CLYBL: variants seen among roughly 807,000 people sequenced by gnomAD.
CLYBL encodes the protein citramalyl-CoA lyase, also known as citramalyl-CoA lyase, mitochondrial.
Under a neutral mutation model 38.9 loss-of-function variants are expected in CLYBL, and 31 were observed. The observed-to-expected ratio is 0.80, with a 90% CI of 0.60 to 1.08. CLYBL has a LOEUF of 1.08. Ranked by LOEUF, CLYBL falls within the 50% of genes least tolerant of loss-of-function variation. The pLI is 0.00. For synonymous variants in CLYBL, 171 were observed against 158.6 expected, an observed-to-expected ratio of 1.08 and a Z score of -0.59; for missense variants, 434 against 411.6, an observed-to-expected ratio of 1.05 and a Z score of -0.47.
intron 2 of CLYBL, among the ~76,000 whole-genome samples, chr13:99,797,606 A>G (rs1339471235): frequency 1.4e-5 from 1 of 73,814 alleles, no homozygotes; most frequent in Non-Finnish European, 2.6e-5. Flanking sequence ...ACAACACTCC[A>G]CAGCTGAGCT....
intron 1 of CLYBL, among the ~76,000 whole-genome samples, chr13:99,624,907 C>T (rs976744158): frequency 7.9e-5 from 12 of 152,200 alleles, no homozygotes; most frequent in African/African-American, 2.7e-4. Flanking sequence ...ATAACATTCG[C>T]TTTTATCTTG....
intron 2 of CLYBL, among the ~76,000 whole-genome samples, chr13:99,842,711 T>TC (rs1413572964): frequency 9.7e-6 from 1 of 103,320 alleles, no homozygotes; most frequent in Non-Finnish European, 2.2e-5. Context: ...AGCCCTTTTT[T>TC]TTAAAAAAAA....
chr13:99,860,155 G>A (rs1418118275), intron 3 of CLYBL, among the ~76,000 whole-genome samples: 1 of 152,070 alleles, frequency 6.6e-6, no homozygotes, highest in Admixed American at 6.6e-5. Flanking sequence ...ATACACACTC[G>A]ATTTTGAAGA....
At chr13:99,813,715 G>A (rs781403708) in intron 2 of CLYBL, among the ~76,000 whole-genome samples, 1 of 152,178 alleles carries the variant, frequency 6.6e-6, no homozygotes, top group South Asian at 2.1e-4. Context: ...ATCAGAATAT[G>A]CATGTAAAAT....
At chr13:99,823,776 G>A (rs879377741) in intron 2 of CLYBL, among the ~76,000 whole-genome samples, 2 of 152,106 alleles carry the variant, frequency 1.3e-5, no homozygotes, top group Non-Finnish European at 2.9e-5. Context: ...CAACAGAGCC[G>A]TAAAGTGTCT....
downstream of CLYBL, among the ~76,000 whole-genome samples, chr13:99,901,882 A>G (rs2052648608): frequency 6.6e-6 from 1 of 152,082 alleles, no homozygotes; most frequent in Non-Finnish European, 1.5e-5. Flanking sequence ...CTGGTCTCGA[A>G]TTCCTGACCT....
chr13:99,846,310 G>A (rs1030328423), intron 2 of CLYBL, among the ~76,000 whole-genome samples: 1 of 21,978 alleles, frequency 4.6e-5, no homozygotes, highest in East Asian at 1.3e-3. Flanking sequence ...TTTTTTTTTT[G>A]AGACGGGGTC....
Position 99,869,376 on chromosome 13 carries a change from A to G in CLYBL, c.803-1562A>G, listed in dbSNP as rs1012313796. Among the ~76,000 whole-genome samples the G allele has an allele frequency of 6.6e-6, 1 of 152,144 alleles. No homozygotes were observed. Among genetic ancestry groups the G allele is most frequent in the African/African-American group, 2.4e-5 (1 of 41,452 alleles). On this transcript the variant is annotated intron_variant, in intron 6 of 8. Transcript: ENST00000339105. The surrounding 1 kb of genome is among the most constrained non-coding windows in gnomAD (Gnocchi z 4.3). ...GGCTAACAATTAGGAGGAAATGACT[A>G]CCAGAACTGACATCCTTTATTAACA... is the stretch of plus-strand genomic sequence containing the variant.
At chr13:99,648,596 C>T (rs888191853) in intron 1 of CLYBL, among the ~76,000 whole-genome samples, 3 of 152,072 alleles carry the variant, frequency 2.0e-5, no homozygotes, top group African/African-American at 4.8e-5. Flanking sequence ...GATAGGGCAG[C>T]CAGATGTGCT....
chr13:99,632,829 T>C (rs529836958), intron 1 of CLYBL, among the ~76,000 whole-genome samples: 3 of 152,070 alleles, frequency 2.0e-5, no homozygotes, highest in South Asian at 2.1e-4. Context: ...AAACTCAAGA[T>C]GATAGAGATG....
chr13:99,641,906 C>T (rs2047100608), intron 1 of CLYBL, among the ~76,000 whole-genome samples: 1 of 152,142 alleles, frequency 6.6e-6, no homozygotes, highest in Non-Finnish European at 1.5e-5. Context: ...GAGATTGGTG[C>T]ATTTTCCTTT....
intron 1 of CLYBL, chr13:99,690,761 TACTTTTCAATTCA>T (rs1307768192): frequency 6.6e-6 from 1 of 152,220 alleles, no homozygotes. Flanking sequence ...TTTCAGTACC[TACTTTTCAATTCA>T]ACCGGGGAGA....
At chr13:99,780,623 G>A (rs981585190) in intron 2 of CLYBL, among the ~76,000 whole-genome samples, 6 of 151,400 alleles carry the variant, frequency 4.0e-5, no homozygotes, top group Admixed American at 1.3e-4. Flanking sequence ...TGATCTGCCC[G>A]TCTCGGCCTC....
At chr13:99,726,549 G>A (rs2048475470) in intron 1 of CLYBL, 1 of 152,172 alleles carries the variant, frequency 6.6e-6, no homozygotes, top group Admixed American at 6.5e-5. Context: ...GTGGTTCCAT[G>A]GAGGCAGAGT....
chr13:99,652,270 G>C (rs570970456), intron 1 of CLYBL, among the ~76,000 whole-genome samples: 7 of 152,176 alleles, frequency 4.6e-5, no homozygotes, highest in African/African-American at 1.7e-4. Flanking sequence ...AGTTCCTCAG[G>C]GGGTGAAGTG....
At chr13:99,880,958 C>T (rs1400192057) in intron 7 of CLYBL, among the ~76,000 whole-genome samples, 1 of 152,242 alleles carries the variant, frequency 6.6e-6, no homozygotes, top group Non-Finnish European at 1.5e-5. Flanking sequence ...AACTCAGCAC[C>T]CTCTCTGAAC....
intron 1 of CLYBL, among the ~76,000 whole-genome samples, chr13:99,753,673 T>G (rs1594160629): frequency 6.6e-6 from 1 of 152,216 alleles, no homozygotes; most frequent in Non-Finnish European, 1.5e-5. Context: ...ATTATTTTAG[T>G]GGCAATCTCT....
chr13:99,613,548 A>G (rs906456802), intron 1 of CLYBL, among the ~76,000 whole-genome samples: 17 of 152,002 alleles, frequency 1.1e-4, no homozygotes, highest in African/African-American at 4.1e-4. Flanking sequence ...CTGTGAGGCC[A>G]CTAAGGGAAA....
chr13:99,621,722 G>T (rs2046799959), intron 1 of CLYBL, among the ~76,000 whole-genome samples: 1 of 151,548 alleles, frequency 6.6e-6, no homozygotes, highest in Non-Finnish European at 1.5e-5. Context: ...ACACAAATTT[G>T]TGAGCTTTCT....
Sources: gnomAD v4.1 joint callset for allele counts (sites outside exome capture counted in the v4.1 genomes callset) on GRCh38, gnomAD v4.1.1 for gene constraint, Gnocchi (gnomAD v3.1) non-coding constraint, MANE v1.5 for transcripts, NCBI Gene and HGNC (gene_info 2026-07-23, HGNC 2026-07-21) for gene names.